The following CHEK2 variants were observed in gnomAD, a reference collection of about 807,000 sequenced individuals.
CHEK2 encodes the protein serine/threonine-protein kinase Chk2.
In CHEK2, 71 loss-of-function variants were observed where a neutral mutation model predicts 69.1. That is an observed-to-expected ratio of 1.03 (90% CI 0.85 to 1.25). The LOEUF is 1.25. Ranked by LOEUF, CHEK2 falls within the 50% of genes most tolerant of loss-of-function variation. CHEK2 has a pLI of 0.00. For missense variants in CHEK2, 664 were observed against 649.6 expected, an observed-to-expected ratio of 1.02 and a Z score of -0.24; for synonymous variants, 189 against 226.9, an observed-to-expected ratio of 0.83 and a Z score of 1.50.
chr22:28,735,389 G>C (rs773702112), intron 1 of CHEK2, among the ~76,000 whole-genome samples: 70 of 151,320 alleles, frequency 4.6e-4, no homozygotes, highest in Non-Finnish European at 9.0e-4. Context: ...CTGGGCAACA[G>C]TGCAAGACTC....
intron 2 of CHEK2, among the ~76,000 whole-genome samples, chr22:28,732,789 G>A (rs1384111993): frequency 6.6e-6 from 1 of 152,006 alleles, no homozygotes; most frequent in Admixed American, 6.6e-5. Context: ...GTTTATTAAA[G>A]AGGTCATTGC....
intron 10 of CHEK2, among the ~76,000 whole-genome samples, chr22:28,696,192 C>T (rs2052578308): frequency 6.6e-6 from 1 of 152,130 alleles, no homozygotes; most frequent in Non-Finnish European, 1.5e-5. Context: ...GGTTCTTAGA[C>T]CCCAGTGTCT....
chr22:28,705,898 G>A (rs1300355539), intron 7 of CHEK2, among the ~76,000 whole-genome samples: 1 of 151,358 alleles, frequency 6.6e-6, no homozygotes, highest in Non-Finnish European at 1.5e-5. Flanking sequence ...AGCCTAAATC[G>A]CGCCATGGCA....
chr22:28,734,645 G>A lies in CHEK2; in HGVS notation c.77C>T (p.Thr26Ile), dbSNP rs878854923. 1 of 1,613,992 alleles carries A rather than the reference G, an allele frequency of 6.2e-7. No homozygotes were observed. Among genetic ancestry groups the A allele is most frequent in the Non-Finnish European group, 8.5e-7 (1 of 1,180,030 alleles). The change falls in exon 2 of 15, where the codon ACC (threonine) becomes ATC (isoleucine). Residue 26 changes from threonine (T) to isoleucine (I), a missense_variant. Transcript: ENST00000404276. ...CTGTGAGGAGGAGCCTTGGGACTGG[G>A]TAACGCTGCCATGGGGCTGTGAACA... ...SACSQPHGSV[T>I]QSQGSSSQSQ...
chr22:28,693,841 A>C (rs1201089940), intron 13 of CHEK2, among the ~76,000 whole-genome samples, 191 bp downstream of exon 13: 3 of 152,110 alleles, frequency 2.0e-5, no homozygotes, highest in African/African-American at 4.8e-5. Context: ...CCAGGGTGAC[A>C]GAACAAGAAC....
chr22:28,716,736 A>C (rs2053601239), intron 5 of CHEK2, among the ~76,000 whole-genome samples: 1 of 152,224 alleles, frequency 6.6e-6, no homozygotes, highest in Non-Finnish European at 1.5e-5. Context: ...GGGGATGAAG[A>C]ACATTTTGTA....
In CHEK2 at chr22:28,730,226, G is replaced by A. The variant is rs12171198; in HGVS notation, c.319+4177C>T. 1 allele frequency among the ~76,000 whole-genome samples: 90,276 copies of A among 90,522 alleles called. 45,015 individuals are homozygous for A. Among genetic ancestry groups the A allele is most frequent in the Admixed American group, 1 (7,294 of 7,310 alleles). The allele number at this position is 90,522 out of a possible 152,430, so 59.4% of individuals were successfully genotyped here. ...AGAGAGGAAGAGAGAAGAGGAGAGA[G>A]AAGAGGAAAGAAAAGAGGAGAGGAG... On this transcript the variant is annotated intron_variant, in intron 2 of 14. Transcript: ENST00000404276.
intron 7 of CHEK2, among the ~76,000 whole-genome samples, chr22:28,704,408 C>T (rs1323453543): frequency 1.3e-5 from 2 of 151,866 alleles, no homozygotes; most frequent in African/African-American, 2.4e-5. Context: ...TCTCAGCTCA[C>T]TGCAACCTCC....
At chr22:28,690,346 A>T (rs1042721819) in intron 13 of CHEK2, among the ~76,000 whole-genome samples, 3 of 152,132 alleles carry the variant, frequency 2.0e-5, no homozygotes, top group Non-Finnish European at 2.9e-5. Context: ...ATTAAAAATT[A>T]GGCCAGGCAC....
chr22:28,711,131 T>C (rs942832856), intron 6 of CHEK2, among the ~76,000 whole-genome samples: 2 of 152,332 alleles, frequency 1.3e-5, no homozygotes, highest in South Asian at 4.1e-4. Flanking sequence ...GTGTTTTACA[T>C]TACTTTGTTG....
At chr22:28,723,478 G>A (rs2053872938) in intron 4 of CHEK2, among the ~76,000 whole-genome samples, 1 of 151,762 alleles carries the variant, frequency 6.6e-6, no homozygotes, top group South Asian at 2.1e-4. Flanking sequence ...GGCGCCTGTA[G>A]TCCCAGCTAC....
chr22:28,722,555 A>AG (rs1223827418), intron 4 of CHEK2, among the ~76,000 whole-genome samples: 39 of 146,680 alleles, frequency 2.7e-4, no homozygotes, highest in African/African-American at 9.2e-4. Context: ...AAAAAAAAAA[A>AG]AAAAGAAAAG....
rs1343957791 is a variant in CHEK2 at position 28,687,856 on chromosome 22, G to C, written c.*41C>G. 1 of 1,390,158 alleles carries C rather than the reference G, an allele frequency of 7.2e-7. No individual in the cohort carries two copies. Among genetic ancestry groups the C allele is most frequent in the Non-Finnish European group, 1.0e-6 (1 of 992,372 alleles). 86.1% of individuals were successfully genotyped at this position (1,390,158 alleles called of 1,614,324 possible). On this transcript the variant is annotated 3_prime_UTR_variant, in exon 15 of 15. Transcript: ENST00000404276. ...ACTCAAAGAAAAGAAAGATGACAGA[G>C]TGAAAGAAGGTACATTTCTTTCGTG...
chr22:28,725,864 G>A (rs17885689), intron 2 of CHEK2, among the ~76,000 whole-genome samples: 4,432 of 151,346 alleles, frequency 0.029, 97 homozygotes, highest in Middle Eastern at 0.066. Flanking sequence ...AGCTGAGACT[G>A]CGCCACTGCA....
intron 6 of CHEK2, among the ~76,000 whole-genome samples, chr22:28,710,896 C>T (rs950559183): frequency 2.0e-5 from 3 of 152,174 alleles, no homozygotes; most frequent in African/African-American, 7.2e-5. Context: ...TAAAATTTTA[C>T]TCCCAGTTTT....
At chr22:28,703,687 C>T (rs919474148) in intron 7 of CHEK2, 121 bp from the exon 8 acceptor site, 3 of 685,254 alleles carry the variant, frequency 4.4e-6, no homozygotes, top group African/African-American at 1.8e-5. Flanking sequence ...GGCCCCCTGC[C>T]TCAGAGGCTT....
rs1305311782 is a variant in CHEK2, at chr22:28,722,004, T to G, written c.593-2519A>C. On this transcript the variant is annotated intron_variant, in intron 4 of 14. Transcript: ENST00000404276. ...TCTTGGCCTCCCAAAGTGCTGAGAT[T>G]ACAGGCATGAGCTACCACGCCAGCC... 2.0e-5 allele frequency among the ~76,000 whole-genome samples: 3 copies of G among 152,170 alleles called. No homozygotes were observed. In the East Asian group the frequency reaches 5.8e-4, roughly 29 times the overall value.
At chr22:28,729,713 A>G (rs528849154) in intron 2 of CHEK2, among the ~76,000 whole-genome samples, 3 of 152,230 alleles carry the variant, frequency 2.0e-5, no homozygotes, top group Admixed American at 1.3e-4. Context: ...TCAGAAAACT[A>G]GGAATAGGAG....
intron 4 of CHEK2, among the ~76,000 whole-genome samples, chr22:28,720,227 A>C (rs1159654428): frequency 6.6e-6 from 1 of 151,064 alleles, no homozygotes; most frequent in Non-Finnish European, 1.5e-5. Context: ...AGTAGCTGGG[A>C]TTACAGGCGA....
Sources: gnomAD v4.1 joint callset for allele counts (sites outside exome capture counted in the v4.1 genomes callset) on GRCh38, gnomAD v4.1.1 for gene constraint, MANE v1.5 for transcripts, NCBI Gene and HGNC (gene_info 2026-07-23, HGNC 2026-07-21) for gene names.